The following SLC35F3 variants were observed in gnomAD, a reference collection of about 807,000 sequenced individuals.
SLC35F3 encodes the protein solute carrier family 35 member F3, also known as putative thiamine transporter SLC35F3.
A neutral mutation model predicts 49.9 loss-of-function variants in SLC35F3; 25 were observed. The ratio of observed to expected loss-of-function variants is 0.50; its 90% confidence interval spans 0.37 to 0.70. The LOEUF (loss-of-function observed/expected upper bound fraction) is 0.70, where lower values mean the gene tolerates loss of function less well. Among genes scored for constraint, SLC35F3 ranks in the 30% least tolerant of loss-of-function variants. The pLI is 0.00. For missense variants in SLC35F3, 525 were observed against 639.8 expected (o/e 0.82, Z 1.94); for synonymous variants, 275 against 265.4 (o/e 1.04, Z -0.35).
At position 233,904,949 on chromosome 1, in the gene SLC35F3, G is replaced by C; in HGVS notation, c.-129G>C. ...GGCGCGCACAAAGCGGCCCGGGGCG[G>C]CCGGCGCGGCGCAGACCCTCGGTGG... On this transcript the variant is annotated 5_prime_UTR_variant, in exon 1 of 8. Coordinates refer to ENST00000366618, the MANE Select transcript of SLC35F3 (RefSeq NM_173508.4). 1 of 1,061,324 alleles carries C rather than the reference G, an allele frequency of 9.4e-7. No homozygotes were observed. The allele number at this position is 1,061,324 out of a possible 1,614,324, so 65.7% of individuals were successfully genotyped here.
intron 2 of SLC35F3, among the ~76,000 whole-genome samples, chr1:233,931,812 T>C (rs951030648): frequency 6.6e-6 from 1 of 152,250 alleles, no homozygotes; most frequent in Non-Finnish European, 1.5e-5. Context: ...CAAAGGATTA[T>C]AAATCATGCT....
At chr1:234,159,632 A>G (rs1365603918) in intron 2 of SLC35F3, among the ~76,000 whole-genome samples, 1 of 152,186 alleles carries the variant, frequency 6.6e-6, no homozygotes, top group African/African-American at 2.4e-5. Flanking sequence ...GAATTCTCAG[A>G]TAGGCTTTAC....
chr1:234,281,050 T>A (rs1257343305), intron 3 of SLC35F3, among the ~76,000 whole-genome samples: 1 of 151,922 alleles, frequency 6.6e-6, no homozygotes, highest in Non-Finnish European at 1.5e-5. Flanking sequence ...GCCTACTGTG[T>A]TCTTATGTGA....
At chr1:234,148,024 A>G (rs1666023408) in intron 2 of SLC35F3, among the ~76,000 whole-genome samples, 2 of 152,354 alleles carry the variant, frequency 1.3e-5, no homozygotes, top group Admixed American at 1.3e-4. Flanking sequence ...TATAACGGCA[A>G]GAAGGGGAGA....
At chr1:233,970,751 A>ATC (rs1294387937) in intron 2 of SLC35F3, among the ~76,000 whole-genome samples, 2 of 152,220 alleles carry the variant, frequency 1.3e-5, no homozygotes, top group Non-Finnish European at 2.9e-5. Context: ...GAAGACGGCC[A>ATC]TCTGCAGGCT....
chr1:233,977,519 C>T (rs951351711), intron 2 of SLC35F3, among the ~76,000 whole-genome samples: 1 of 152,140 alleles, frequency 6.6e-6, no homozygotes, highest in Non-Finnish European at 1.5e-5. Flanking sequence ...ACAACAGTGG[C>T]CTTGCTGTTG....
At chr1:234,093,594 T>C in intron 2 of SLC35F3, among the ~76,000 whole-genome samples, 1 of 152,240 alleles carries the variant, frequency 6.6e-6, no homozygotes, top group East Asian at 1.9e-4. Context: ...CCCTGCCTTA[T>C]CAGCTTATTT....
chr1:234,219,055 CAAAAAAAAA>C (rs60342594), intron 2 of SLC35F3, among the ~76,000 whole-genome samples: 2 of 55,288 alleles, frequency 3.6e-5, no homozygotes, highest in East Asian at 1.2e-3. Flanking sequence ...GACTCCATCT[CAAAAAAAAA>C]AAAAAAAAAA....
intron 2 of SLC35F3, among the ~76,000 whole-genome samples, chr1:234,050,099 C>T (rs954835608): frequency 2.6e-5 from 4 of 152,134 alleles, no homozygotes; most frequent in East Asian, 1.9e-4. Context: ...AATAAACATA[C>T]GTGTGCATGT....
intron 2 of SLC35F3, among the ~76,000 whole-genome samples, chr1:234,103,614 A>G (rs184136894): frequency 3.9e-5 from 6 of 152,136 alleles, no homozygotes; most frequent in African/African-American, 1.4e-4. Flanking sequence ...AATGATTCAG[A>G]TCTAAGCTGA....
chr1:233,949,407 G>A (rs1475154176), intron 2 of SLC35F3, among the ~76,000 whole-genome samples: 1 of 152,222 alleles, frequency 6.6e-6, no homozygotes, highest in Non-Finnish European at 1.5e-5. Context: ...TATTCCATGA[G>A]TGTAATGTCT....
At chr1:234,080,135 CTTAATCACCCATGGCTAATGAT>C (rs1164509061) in intron 2 of SLC35F3, among the ~76,000 whole-genome samples, 1 of 152,166 alleles carries the variant, frequency 6.6e-6, no homozygotes, top group Non-Finnish European at 1.5e-5. Context: ...TGAGCGTTCA[CTTAATCACCCATGGCTAATGAT>C]TTAATCACCC....
At chr1:233,944,851 T>TA (rs11413006) in intron 2 of SLC35F3, among the ~76,000 whole-genome samples, 22,063 of 152,074 alleles carry the variant, frequency 0.15, 2,329 homozygotes, top group African/African-American at 0.3. Flanking sequence ...ACGATGCTCT[T>TA]ACGATTGTAG....
intron 3 of SLC35F3, among the ~76,000 whole-genome samples, chr1:234,296,418 TTAGAA>T (rs1372608898): frequency 2.6e-5 from 4 of 152,186 alleles, no homozygotes; most frequent in African/African-American, 7.2e-5. Context: ...AATGGACTCT[TTAGAA>T]TAGGAAGAGT....
chr1:234,322,613 C>T (rs1657647600), intron 7 of SLC35F3, among the ~76,000 whole-genome samples: 1 of 150,448 alleles, frequency 6.6e-6, no homozygotes, highest in African/African-American at 2.5e-5. Context: ...TAAGTGGATC[C>T]GTACAGTTCA....
At chr1:234,190,952 AAAAAG>A (rs768837289) in intron 2 of SLC35F3, among the ~76,000 whole-genome samples, 6 of 152,230 alleles carry the variant, frequency 3.9e-5, no homozygotes, top group Non-Finnish European at 7.3e-5. Context: ...AAGAGAAGAG[AAAAAG>A]AAAAGAAAAG....
chr1:234,068,288 C>G lies in SLC35F3; in HGVS notation c.283+162530C>G, dbSNP rs1325474563. The stretch of plus-strand genomic sequence containing the variant: ...AACTTTCAGAAATAGTGAATGCACT[C>G]TGTCCCTGCCTTTTGGTTTATGGCT... On this transcript the variant is annotated intron_variant, in intron 2 of 7. Coordinates refer to ENST00000366618, the MANE Select transcript of SLC35F3 (RefSeq NM_173508.4). Among the ~76,000 whole-genome samples the G allele has an allele frequency of 2.6e-5, 4 of 152,206 alleles. No homozygotes were observed. In the East Asian group the frequency reaches 7.7e-4, roughly 29 times the overall value.
intron 3 of SLC35F3, 83 bp from the exon 4 acceptor site, chr1:234,309,018 A>T: frequency 8.3e-7 from 1 of 1,207,328 alleles, no homozygotes. Context: ...ATTTGCTTAA[A>T]AAAAAAAAAA....
intron 2 of SLC35F3, among the ~76,000 whole-genome samples, chr1:234,149,150 A>G (rs575413144): frequency 6.6e-6 from 1 of 152,194 alleles, no homozygotes; most frequent in Non-Finnish European, 1.5e-5. Flanking sequence ...TGTGGATGGA[A>G]AAGGGGAGAA....
Sources: gnomAD v4.1 joint callset for allele counts (sites outside exome capture counted in the v4.1 genomes callset) on GRCh38, gnomAD v4.1.1 for gene constraint, MANE v1.5 for transcripts, NCBI Gene and HGNC (gene_info 2026-07-23, HGNC 2026-07-21) for gene names.